The following NEB variants were observed in gnomAD, a reference collection of about 807,000 sequenced individuals.
NEB encodes nemaline myopathy type 2.
NEB carries 512 observed loss-of-function variants against 952.2 expected under a neutral mutation model. That is an observed-to-expected ratio of 0.54 (90% CI 0.50 to 0.58). The LOEUF is 0.58. Among genes scored for constraint, NEB ranks in the 20% least tolerant of loss-of-function variants. The pLI is 0.00. For missense variants in NEB, 8,428 were observed against 9,231.1 expected, an observed-to-expected ratio of 0.91 and a Z score of 3.56; for synonymous variants, 2,900 against 3,149.8, an observed-to-expected ratio of 0.92 and a Z score of 2.66.
chr2:151,576,512 ATATATTTTTTTTTTTTTTTTTT>A (rs1264002891), intron 105 of NEB, among the ~76,000 whole-genome samples, 158 bp from the exon 106 acceptor site: 2 of 28,946 alleles, frequency 6.9e-5, no homozygotes, highest in Admixed American at 5.8e-4. Context: ...ATATATATAT[ATATATTTTTTTTTTTTTTTTTT>A]TTTTTTTTTT....
chr2:151,555,963 A>G (rs1265161903), intron 124 of NEB, among the ~76,000 whole-genome samples: 2 of 151,932 alleles, frequency 1.3e-5, no homozygotes, highest in African/African-American at 4.8e-5. Flanking sequence ...TCTATGTTTT[A>G]CCTTGCTCCA....
At chr2:151,544,952 C>T (rs911648442) in intron 135 of NEB, among the ~76,000 whole-genome samples, 1 of 152,240 alleles carries the variant, frequency 6.6e-6, no homozygotes, top group African/African-American at 2.4e-5. Flanking sequence ...ACCATTTACA[C>T]TTGTGAAATG....
intron 62 of NEB, among the ~76,000 whole-genome samples, chr2:151,639,615 T>C (rs564530918): frequency 6.6e-6 from 1 of 152,200 alleles, no homozygotes; most frequent in African/African-American, 2.4e-5. Flanking sequence ...AATAAGCATA[T>C]TTTATGCAGA....
chr2:151,527,443 G>A, intron 147 of NEB, 38 bp downstream of exon 147: 3 of 1,377,844 alleles, frequency 2.2e-6, no homozygotes, highest in Non-Finnish European at 3.1e-6. Context: ...CTCAGGTGCA[G>A]TATGCAGTTA....
chr2:151,627,389 A>G, intron 69 of NEB, 134 bp downstream of exon 69: 1 of 1,442,438 alleles, frequency 6.9e-7, no homozygotes, highest in South Asian at 1.4e-5. Context: ...AGTAAGGGGA[A>G]GAGTTGCCTA....
Position 151,610,068 on chromosome 2 carries a change from T to C in NEB, c.12071A>G (p.Gln4024Arg). Reference sequence around the variant, plus strand: ...AATCTTGGGATCATCTTCAATGCTCTGGGCTCCAATGTGGTGGCCTTTCTG... The same window carrying C: ...AATCTTGGGATCATCTTCAATGCTCCGGGCTCCAATGTGGTGGCCTTTCTG... ...EKQKGHHIGA[Q>R]SIEDDPKIMC... The change falls in exon 81 of 182, where the codon CAG (glutamine) becomes CGG (arginine). Residue 4024 changes from glutamine (Q) to arginine (R), a missense_variant. Physicochemically the swap from Gln to Arg is conservative, Grantham distance 43. Transcript: ENST00000397345. 3.7e-6 allele frequency: 6 copies of C among 1,613,880 alleles called. No homozygotes were observed. Among genetic ancestry groups the C allele is most frequent in the Non-Finnish European group, 5.1e-6 (6 of 1,179,844 alleles).
rs1015618560 is a variant in NEB at position 151,692,256 on chromosome 2, C to T, written c.1998+5G>A. 4 of 1,613,258 alleles carry T rather than the reference C, an allele frequency of 2.5e-6. No homozygotes were observed. Among genetic ancestry groups the T allele is most frequent in the Admixed American group, 1.7e-5 (1 of 60,002 alleles). On this transcript the variant is annotated splice_donor_5th_base_variant and intron_variant, in intron 21 of 181. Coordinates refer to ENST00000397345, the MANE Select transcript of NEB (RefSeq NM_001164508.2). ...TACCCGAAAGGTAACCGTGGCTTTT[C>T]GAACCTCACTGAAGTTCTTCAGCTG...
chr2:151,497,947 A>AT lies in NEB; in HGVS notation c.24208-230dup, dbSNP rs1052214323. 220 of 1,437,860 alleles carry AT rather than the reference A, an allele frequency of 1.5e-4. 1 individual carries two copies. Among genetic ancestry groups the AT allele is most frequent in the Admixed American group, 2.0e-4 (7 of 34,442 alleles). The allele number at this position is 1,437,860 out of a possible 1,614,324, so 89.1% of individuals were successfully genotyped here. A position where few individuals can be genotyped will look rare whatever the true frequency, so the allele number is the denominator to read the frequency against. On this transcript the variant is annotated intron_variant, in intron 170 of 181. Coordinates refer to ENST00000397345, the MANE Select transcript of NEB (RefSeq NM_001164508.2). ...AAGGGCTGTCAGAGTTATCCATGTT[A>AT]TTTTTTTTCATTTTTGTGAGTACGG...
chr2:151,577,086 A>C (rs1051055711), intron 105 of NEB, among the ~76,000 whole-genome samples: 2 of 152,194 alleles, frequency 1.3e-5, no homozygotes, highest in Admixed American at 6.5e-5. Flanking sequence ...TTAAAGCAAC[A>C]ATAATGGGCT....
At chr2:151,673,160 T>G (rs536402096) in intron 36 of NEB, among the ~76,000 whole-genome samples, 2 of 152,270 alleles carry the variant, frequency 1.3e-5, no homozygotes, top group East Asian at 3.9e-4. Context: ...GGAGCCACAG[T>G]AAGGACCTGC....
In NEB at chr2:151,498,051, A is replaced by ATTTT. The variant is rs1321647008; in HGVS notation, c.24207+205_24207+208dup. On this transcript the variant is annotated intron_variant, in intron 170 of 181. Transcript: ENST00000397345. The stretch of plus-strand genomic sequence containing the variant: ...ATCCACACAAATGGAAACATTCATT[A>ATTTT]TTTTTAAAACATGTTTGTTTGTAAA... The ATTTT allele has an allele frequency of 5.5e-6, 8 of 1,450,090 alleles. 1 individual carries two copies. The East Asian group carries it at 1.7e-4, about 32-fold the overall frequency. 89.8% of individuals were successfully genotyped at this position (1,450,090 alleles called of 1,614,324 possible). A position where few individuals can be genotyped will look rare whatever the true frequency, so the allele number is the denominator to read the frequency against.
At chr2:151,714,061 A>G (rs1044817617) in intron 10 of NEB, among the ~76,000 whole-genome samples, 1 of 152,154 alleles carries the variant, frequency 6.6e-6, no homozygotes, top group Non-Finnish European at 1.5e-5. Flanking sequence ...CTTTCTACAT[A>G]AAGACCAGAC....
chr2:151,516,519 C>CA lies in NEB; in HGVS notation c.22844dup (p.Met7615IlefsTer5), dbSNP rs1259308609. On this transcript the variant is annotated frameshift_variant, in exon 157 of 182. Transcript: ENST00000397345. LOFTEE classifies it high-confidence loss of function. ...TGTACGTTGGTGTTTCAAAGTCCAG[C>CA]ATGGGTTTTCCTCGTTCCTTTTCAT... is the stretch of plus-strand genomic sequence containing the variant. 1 of 1,613,500 alleles carries CA rather than the reference C, an allele frequency of 6.2e-7. No homozygotes were observed. The highest frequency in any genetic ancestry group is 8.5e-7 in the Non-Finnish European group (1 of 1,179,616).
intron 180 of NEB, 68 bp from the exon 181 acceptor site, chr2:151,490,145 C>T: frequency 7.7e-7 from 1 of 1,293,022 alleles, no homozygotes; most frequent in Non-Finnish European, 1.1e-6. Flanking sequence ...CTGTGTTTAG[C>T]AGCTGAGTGA....
intron 37 of NEB, chr2:151,671,459 C>A: frequency 2.2e-6 from 1 of 446,826 alleles, no homozygotes; most frequent in East Asian, 3.5e-5. Flanking sequence ...TTCATGGGTA[C>A]TGCTAAAAAA....
Position 151,513,676 on chromosome 2 carries a change from G to A in NEB, c.23145C>T (p.Asp7715=), listed in dbSNP as rs1267175445. ...QILNEKEYKR[D]LELEVKGRGL... ...CTCTTCCTTTGACTTCCAGTTCCAG[G>A]TCTCGCTTATATTCTTTCTATAGTA... The change falls in exon 160 of 182, where the codon GAC becomes GAT. Residue 7715 remains aspartate, a synonymous_variant. Coordinates refer to ENST00000397345, the MANE Select transcript of NEB (RefSeq NM_001164508.2). 8.1e-6 allele frequency: 13 copies of A among 1,602,720 alleles called. No homozygotes were observed. The highest frequency in any genetic ancestry group is 1.1e-5 in the Non-Finnish European group (13 of 1,174,046).
rs2099021947 is a variant in NEB, at chr2:151,650,904, C to A, written c.6916-19G>T. ...ATTTATACTGAAATCAGAGAAAACA[C>A]AGCTCTTTTAGTACACAAAGGCCAA... On this transcript the variant is annotated intron_variant, in intron 52 of 181. Coordinates refer to ENST00000397345, the MANE Select transcript of NEB (RefSeq NM_001164508.2). The A allele has an allele frequency of 5.7e-6, 9 of 1,588,076 alleles. No homozygotes were observed. The highest frequency in any genetic ancestry group is 7.7e-6 in the Non-Finnish European group (9 of 1,166,258).
intron 124 of NEB, among the ~76,000 whole-genome samples, chr2:151,559,721 G>T (rs1463782131): frequency 3.3e-5 from 5 of 152,090 alleles, no homozygotes; most frequent in African/African-American, 9.7e-5. Flanking sequence ...GTTCTCACTC[G>T]TAAGTGGGGG....
At chr2:151,623,235 T>C (rs891139053) in intron 71 of NEB, among the ~76,000 whole-genome samples, 2 of 152,194 alleles carry the variant, frequency 1.3e-5, no homozygotes, top group African/African-American at 2.4e-5. Context: ...AAGAGGTTTA[T>C]TGAGTTAGAT....
Sources: allele counts gnomAD v4.1 joint callset (sites outside exome capture counted in the v4.1 genomes callset), GRCh38; gene constraint gnomAD v4.1.1; transcripts MANE v1.5; gene names NCBI Gene and HGNC (gene_info 2026-07-23, HGNC 2026-07-21).